Variants in GABRA1 observed in about 807,000 individuals in gnomAD.
GABRA1 encodes gamma-aminobutyric acid type A receptor subunit alpha1, also known as gamma-aminobutyric acid receptor subunit alpha-1.
Under a neutral mutation model 48.9 loss-of-function variants are expected in GABRA1, and 9 were observed. The observed-to-expected ratio is 0.18, with a 90% CI of 0.11 to 0.32. The LOEUF (loss-of-function observed/expected upper bound fraction) is 0.32. Among genes scored for constraint, GABRA1 ranks in the 10% least tolerant of loss-of-function variants. The pLI, the probability that GABRA1 is intolerant of heterozygous loss-of-function variation, is 1.00. For missense variants in GABRA1, 285 were observed against 553.8 expected, an observed-to-expected ratio of 0.51 and a Z score of 4.87; for synonymous variants, 210 against 198.7, an observed-to-expected ratio of 1.06 and a Z score of -0.48.
At chr5:161,861,096 G>A (rs899949981) in intron 3 of GABRA1, among the ~76,000 whole-genome samples, 1 of 151,680 alleles carries the variant, frequency 6.6e-6, no homozygotes, top group Non-Finnish European at 1.5e-5. Flanking sequence ...AAGGCCCTAA[G>A]TATTGGCATA....
At chr5:161,868,365 G>A in intron 4 of GABRA1, among the ~76,000 whole-genome samples, 1 of 152,014 alleles carries the variant, frequency 6.6e-6, no homozygotes. Context: ...CTTATAGGCA[G>A]CCAGCAGCCA....
chr5:161,848,800 A>C, intron 1 of GABRA1: 1 of 301,160 alleles, frequency 3.3e-6, no homozygotes. Flanking sequence ...TGCAAGGGGG[A>C]GCTGGGGTGA....
Position 161,883,582 on chromosome 5 carries a change from G to A in GABRA1, c.703+881G>A, listed in dbSNP as rs534119134. 7.2e-5 allele frequency among the ~76,000 whole-genome samples: 11 copies of A among 152,048 alleles called. No individual in the cohort carries two copies. In the East Asian group the frequency reaches 7.7e-4, roughly 11 times the overall value. Reference sequence around the variant, plus strand: ...CCCATTATTTACTGAAAGCTTTAACGAGGGTCAAGAATTATTTTTCCAAAA... The same window carrying A: ...CCCATTATTTACTGAAAGCTTTAACAAGGGTCAAGAATTATTTTTCCAAAA... On this transcript the variant is annotated intron_variant, in intron 7 of 9. Transcript: ENST00000393943.
chr5:161,886,857 C>A (rs1360160004), intron 7 of GABRA1, among the ~76,000 whole-genome samples: 1 of 152,032 alleles, frequency 6.6e-6, no homozygotes, highest in African/African-American at 2.4e-5. Context: ...GGAAGGGGGT[C>A]ATTTCTACTT....
At chr5:161,888,598 TG>T (rs1754950934) in intron 7 of GABRA1, among the ~76,000 whole-genome samples, 3 of 152,110 alleles carry the variant, frequency 2.0e-5, no homozygotes, top group African/African-American at 7.2e-5. Context: ...TTTTTTTCTT[TG>T]AGCTGGTGAC....
Position 161,898,951 on chromosome 5 carries a change from G to A in GABRA1, c.*1529G>A, listed in dbSNP as rs1169043588. On this transcript the variant is annotated 3_prime_UTR_variant, in exon 10 of 10. Coordinates refer to ENST00000393943, the MANE Select transcript of GABRA1 (RefSeq NM_001127644.2). ...CTATGTAAGGGCTTTAAATAAAAGA[G>A]GTCCATTAATACTTCCTTATAAAAA... 6.6e-6 allele frequency: 1 copy of A among 152,498 alleles called. No homozygotes were observed. Among genetic ancestry groups the A allele is most frequent in the Non-Finnish European group, 1.5e-5 (1 of 67,972 alleles). 9.4% of individuals were successfully genotyped at this position (152,498 alleles called of 1,614,324 possible). A position where few individuals can be genotyped will look rare whatever the true frequency, so the allele number is the denominator to read the frequency against.
At position 161,882,690 on chromosome 5, in the gene GABRA1, A is replaced by G; in HGVS notation, c.692A>G (p.Gln231Arg). 1 of 1,613,518 alleles carries G rather than the reference A, an allele frequency of 6.2e-7. No individual in the cohort carries two copies. Among genetic ancestry groups the G allele is most frequent in the Non-Finnish European group, 8.5e-7 (1 of 1,179,630 alleles). Residue 231 changes from glutamine (Q) to arginine (R), a missense_variant, in exon 7 of 10, where the codon CAG (glutamine) becomes CGG (arginine). Gln to Arg is a conservative substitution (Grantham distance 43). Transcript: ENST00000393943. ...CAAACAGTAGACTCTGGAATTGTCC[A>G]GTCAAGTACAGGTAAGTACGATTTT... is the stretch of plus-strand genomic sequence containing the variant. ...LGQTVDSGIV[Q>R]SSTGEYVVMT...
intron 2 of GABRA1, among the ~76,000 whole-genome samples, chr5:161,852,845 GA>G (rs1253652514): frequency 6.6e-5 from 10 of 151,822 alleles, no homozygotes; most frequent in African/African-American, 2.4e-4. Context: ...TTGCCGATAC[GA>G]AATTAATTAC....
intron 8 of GABRA1, among the ~76,000 whole-genome samples, chr5:161,893,048 T>TAATAATAATAATAA (rs5872733): frequency 2.1e-5 from 3 of 141,994 alleles, no homozygotes; most frequent in Non-Finnish European, 3.0e-5. Flanking sequence ...ATAATAATAA[T>TAATAATAATAATAA]AAAATAAACA....
At chr5:161,896,625 T>G (rs1561588343) in intron 9 of GABRA1, among the ~76,000 whole-genome samples, 1 of 152,174 alleles carries the variant, frequency 6.6e-6, no homozygotes, top group Non-Finnish European at 1.5e-5. Flanking sequence ...TTTTAAGATG[T>G]TTAGAAATAA....
rs567174647 is a variant in GABRA1 at position 161,852,996 on chromosome 5, T to C, written c.75-1162T>C. Among the ~76,000 whole-genome samples, 6 of 152,022 alleles carry C rather than the reference T, an allele frequency of 3.9e-5. No individual in the cohort carries two copies. In the East Asian group the frequency reaches 9.7e-4, roughly 24 times the overall value. The stretch of plus-strand genomic sequence containing the variant: ...CAACACACAGGAATGAAGCCCAAAG[T>C]ATATTAAGTAGAAAATACAAAAGTG... On this transcript the variant is annotated intron_variant, in intron 2 of 9. Coordinates refer to ENST00000393943, the MANE Select transcript of GABRA1 (RefSeq NM_001127644.2).
At position 161,850,884 on chromosome 5, in the gene GABRA1, G is replaced by A. The variant is rs1363320617; in HGVS notation, c.74G>A (p.Ser25Asn). 1.9e-6 allele frequency: 3 copies of A among 1,612,958 alleles called. No homozygotes were observed. Among genetic ancestry groups the A allele is most frequent in the African/African-American group, 1.3e-5 (1 of 74,870 alleles). Residue 25 changes from serine to asparagine, a missense_variant and splice_region_variant, in exon 2 of 10, where the codon AGC becomes AAC. Transcript: ENST00000393943. Reference sequence around the variant, plus strand: ...CTTCTGAGCACACTGACTGGAAGAAGGTGGGGACACTTTTTTAAAAATCTG... The same window carrying A: ...CTTCTGAGCACACTGACTGGAAGAAAGTGGGGACACTTTTTTAAAAATCTG... ...ILLLSTLTGR[S>N]YGQPSLQDEL...
chr5:161,855,423 T>G (rs1006936008), intron 3 of GABRA1, among the ~76,000 whole-genome samples: 1 of 151,568 alleles, frequency 6.6e-6, no homozygotes, highest in Non-Finnish European at 1.5e-5. Flanking sequence ...CCCAAATATA[T>G]GTCAAAGGTC....
intron 7 of GABRA1, among the ~76,000 whole-genome samples, chr5:161,888,032 T>C (rs2113435872): frequency 6.6e-6 from 1 of 152,250 alleles, no homozygotes; most frequent in South Asian, 2.1e-4. Flanking sequence ...AAAATTATAT[T>C]AGTTGCTTTT....
intron 1 of GABRA1, chr5:161,849,175 T>C (rs1465630582): frequency 3.9e-6 from 1 of 256,192 alleles, no homozygotes; most frequent in African/African-American, 2.4e-5. Context: ...ATGATAGGTT[T>C]GTTTTTCTCT....
In GABRA1 at chr5:161,883,601, T is replaced by C. The variant is rs984443230; in HGVS notation, c.703+900T>C. Reference sequence around the variant, plus strand: ...TTTAACGAGGGTCAAGAATTATTTTTCCAAAATTATGTCTTTCAAAATTTA... The same window carrying C: ...TTTAACGAGGGTCAAGAATTATTTTCCCAAAATTATGTCTTTCAAAATTTA... On this transcript the variant is annotated intron_variant, in intron 7 of 9. Transcript: ENST00000393943. Among the ~76,000 whole-genome samples the C allele has an allele frequency of 2.0e-5, 3 of 152,156 alleles. No homozygotes were observed. The South Asian group carries it at 6.2e-4, about 32-fold the overall frequency.
At chr5:161,853,890 C>T (rs140403663) in intron 2 of GABRA1, among the ~76,000 whole-genome samples, 2 of 151,402 alleles carry the variant, frequency 1.3e-5, no homozygotes, top group Admixed American at 6.6e-5. Flanking sequence ...TGCATTGCAA[C>T]GTAATAAACA....
In GABRA1 at chr5:161,899,442, G is replaced by A. The variant is rs1341370056; in HGVS notation, c.*2020G>A. ...TTGCTGTTTATCTTGTTATTTTTCG[G>A]CGTTATACTAATGTGTTTATTGAGA... On this transcript the variant is annotated 3_prime_UTR_variant, in exon 10 of 10. Coordinates refer to ENST00000393943, the MANE Select transcript of GABRA1 (RefSeq NM_001127644.2). 3.9e-5 allele frequency: 6 copies of A among 152,054 alleles called. No individual in the cohort carries two copies. Among genetic ancestry groups the A allele is most frequent in the Admixed American group, 1.3e-4 (2 of 15,250 alleles). 9.4% of individuals were successfully genotyped at this position (152,054 alleles called of 1,614,324 possible). A position where few individuals can be genotyped will look rare whatever the true frequency, so the allele number is the denominator to read the frequency against.
intron 7 of GABRA1, 82 bp downstream of exon 7, chr5:161,882,783 A>G (rs544893759): frequency 7.4e-7 from 1 of 1,345,556 alleles, no homozygotes; most frequent in Non-Finnish European, 1.1e-6. Flanking sequence ...ATTCAGTAAC[A>G]CAAGTCTAGG....
Sources: allele counts gnomAD v4.1 joint callset (sites outside exome capture counted in the v4.1 genomes callset), GRCh38; gene constraint gnomAD v4.1.1; transcripts MANE v1.5; gene names NCBI Gene and HGNC (gene_info 2026-07-23, HGNC 2026-07-21).